NFIB: variants seen among roughly 807,000 people sequenced by gnomAD.
The protein encoded by NFIB is nuclear factor 1 B-type.
Under a neutral mutation model 61.5 loss-of-function variants are expected in NFIB, and 11 were observed. The ratio of observed to expected loss-of-function variants is 0.18; its 90% CI spans 0.11 to 0.30. The LOEUF (loss-of-function observed/expected upper bound fraction) is 0.30, where lower values mean the gene tolerates loss of function less well. Among genes scored for constraint, NFIB ranks in the 10% least tolerant of loss-of-function variants. The pLI, the probability that NFIB is intolerant of heterozygous loss-of-function variation, is 1.00. For missense variants in NFIB, 471 were observed against 608.9 expected, an observed-to-expected ratio of 0.77 and a Z score of 2.38; for synonymous variants, 260 against 216.5, an observed-to-expected ratio of 1.20 and a Z score of -1.76.
chr9:14,093,326 C>T (rs2118613375), intron 10 of NFIB: 2 of 151,932 alleles, frequency 1.3e-5, no homozygotes, highest in South Asian at 4.2e-4. Context: ...ATAGTATTGT[C>T]CATTTAGAAT....
intron 1 of NFIB, among the ~76,000 whole-genome samples, chr9:14,343,228 G>A (rs895485523): frequency 3.9e-5 from 6 of 152,136 alleles, no homozygotes; most frequent in African/African-American, 1.4e-4. Flanking sequence ...GAGAAGTTTC[G>A]TTTCAAGTAA....
the NFIB span, among the ~76,000 whole-genome samples, chr9:14,461,963 G>T: frequency 2.0e-5 from 3 of 152,112 alleles, no homozygotes; most frequent in Admixed American, 6.5e-5. Context: ...TGTTATTGAT[G>T]ATTTCTTCTG....
chr9:14,130,620 C>G (rs995078641), intron 6 of NFIB, among the ~76,000 whole-genome samples: 1 of 151,642 alleles, frequency 6.6e-6, no homozygotes, highest in Non-Finnish European at 1.5e-5. Context: ...AAGGAACATG[C>G]TTTTACCAAA....
At chr9:14,169,072 C>G (rs2045265197) in intron 3 of NFIB, among the ~76,000 whole-genome samples, 1 of 152,178 alleles carries the variant, frequency 6.6e-6, no homozygotes, top group South Asian at 2.1e-4. Flanking sequence ...TTAGAAAGTA[C>G]TTCAATTCAG....
At chr9:14,449,771 A>G in the NFIB span, among the ~76,000 whole-genome samples, 1,016 of 151,906 alleles carry the variant, frequency 6.7e-3, 10 homozygotes, top group African/African-American at 0.023. Flanking sequence ...CTCTACTAAA[A>G]ATACAAAAAA....
At chr9:14,467,020 G>A in the NFIB span, among the ~76,000 whole-genome samples, 1 of 152,140 alleles carries the variant, frequency 6.6e-6, no homozygotes, top group Non-Finnish European at 1.5e-5. Context: ...GGGGCTGTGA[G>A]ATCCCGGCAT....
At chr9:14,277,338 C>A (rs2058068447) in intron 2 of NFIB, among the ~76,000 whole-genome samples, 1 of 42,630 alleles carries the variant, frequency 2.3e-5, no homozygotes, top group Admixed American at 3.6e-4. Flanking sequence ...CGTGCACGCA[C>A]ACACAGACAC....
At chr9:14,392,978 A>G (rs1013992904) in intron 1 of NFIB, among the ~76,000 whole-genome samples, 3 of 152,242 alleles carry the variant, frequency 2.0e-5, no homozygotes. Flanking sequence ...TCATGTTTTT[A>G]CAAATCAACG....
At chr9:14,308,116 A>C (rs1268707576) in intron 1 of NFIB, 1 of 152,314 alleles carries the variant, frequency 6.6e-6, no homozygotes, top group African/African-American at 2.4e-5. Context: ...CACAAAGAGC[A>C]TGCGCCATTA....
intron 2 of NFIB, among the ~76,000 whole-genome samples, chr9:14,224,982 T>C (rs989269594): frequency 1.3e-5 from 2 of 152,190 alleles, no homozygotes; most frequent in East Asian, 3.9e-4. Context: ...ATTACAATAT[T>C]GTTAACTATA....
At chr9:14,367,172 A>C (rs1353020933) in intron 1 of NFIB, among the ~76,000 whole-genome samples, 3 of 152,116 alleles carry the variant, frequency 2.0e-5, no homozygotes, top group African/African-American at 7.2e-5. Flanking sequence ...GGGAATGCAA[A>C]ACTATAGAAG....
intron 2 of NFIB, among the ~76,000 whole-genome samples, chr9:14,184,217 A>ATAT (rs2047103518): frequency 6.6e-6 from 1 of 152,194 alleles, no homozygotes; most frequent in African/African-American, 2.4e-5. Flanking sequence ...TATGTTCTCT[A>ATAT]TATGGACAGC....
At chr9:14,218,658 A>G (rs2051242289) in intron 2 of NFIB, among the ~76,000 whole-genome samples, 1 of 152,200 alleles carries the variant, frequency 6.6e-6, no homozygotes, top group Non-Finnish European at 1.5e-5. Context: ...CCAAGGGCCA[A>G]AAGAGCCTAT....
the NFIB span, among the ~76,000 whole-genome samples, chr9:14,421,301 A>C: frequency 6.6e-6 from 1 of 152,348 alleles, no homozygotes; most frequent in South Asian, 2.1e-4. Flanking sequence ...TGTCTGGCTC[A>C]ATACAGATTT....
At chr9:14,320,635 G>A (rs944796608) in intron 1 of NFIB, among the ~76,000 whole-genome samples, 25 of 152,088 alleles carry the variant, frequency 1.6e-4, no homozygotes, top group Non-Finnish European at 3.5e-4. Flanking sequence ...TAAATACACT[G>A]GAAAGTCACA....
At chr9:14,436,171 G>A in the NFIB span, among the ~76,000 whole-genome samples, 4 of 152,256 alleles carry the variant, frequency 2.6e-5, no homozygotes, top group African/African-American at 9.6e-5. Flanking sequence ...TCCTGAACCA[G>A]CAATGAAAAT....
intron 2 of NFIB, among the ~76,000 whole-genome samples, chr9:14,259,051 G>A (rs1276140002): frequency 6.6e-6 from 1 of 152,140 alleles, no homozygotes; most frequent in Non-Finnish European, 1.5e-5. Context: ...TTGTGGTTTT[G>A]CCTTAGGACA....
chr9:14,151,154 G>A (rs1257020533), intron 4 of NFIB, among the ~76,000 whole-genome samples: 1 of 152,068 alleles, frequency 6.6e-6, no homozygotes, highest in African/African-American at 2.4e-5. Flanking sequence ...AGGATGAAAT[G>A]AAATAGGTAG....
intron 1 of NFIB, among the ~76,000 whole-genome samples, chr9:14,337,452 C>G (rs1020057425): frequency 6.6e-6 from 1 of 152,114 alleles, no homozygotes; most frequent in African/African-American, 2.4e-5. Flanking sequence ...TAATGGTTAC[C>G]TCTCAGGAGA....
Sources: gnomAD v4.1 joint callset for allele counts (sites outside exome capture counted in the v4.1 genomes callset) on GRCh38, gnomAD v4.1.1 for gene constraint, MANE v1.5 for transcripts, NCBI Gene and HGNC (gene_info 2026-07-23, HGNC 2026-07-21) for gene names.